USH2A: variants seen among roughly 807,000 people sequenced by gnomAD.
USH2A encodes Usher syndrome 2A (autosomal recessive, mild).
USH2A carries 443 observed loss-of-function variants against 538.9 expected under a neutral mutation model. The ratio of observed to expected loss-of-function variants is 0.82; its 90% CI spans 0.76 to 0.89. The LOEUF is 0.89. Ranked by LOEUF, USH2A falls within the 40% of genes least tolerant of loss-of-function variation. USH2A has a pLI of 0.00. For synonymous variants in USH2A, 2,413 were observed against 2,273.5 expected (o/e 1.06, Z -1.75); for missense variants, 6,633 against 6,324.8 (o/e 1.05, Z -1.65).
rs991583581 is a variant in USH2A at position 215,935,453 on chromosome 1, A to G, written c.7121-658T>C. Among the ~76,000 whole-genome samples, 4 of 151,948 alleles carry G rather than the reference A, an allele frequency of 2.6e-5. No homozygotes were observed. In the East Asian group the frequency reaches 5.8e-4, roughly 22 times the overall value. On this transcript the variant is annotated intron_variant, in intron 37 of 71. Coordinates refer to ENST00000307340, the MANE Select transcript of USH2A (RefSeq NM_206933.4). ...CAGAAGATCTAATATTTTTAGCTTTATGAGAAAATGCAGAAGCTGCCTAGC... is the reference window on the plus strand; with the variant it reads ...CAGAAGATCTAATATTTTTAGCTTTGTGAGAAAATGCAGAAGCTGCCTAGC...
chr1:216,036,332 T>C (rs2029959238), intron 32 of USH2A, among the ~76,000 whole-genome samples: 1 of 151,854 alleles, frequency 6.6e-6, no homozygotes, highest in African/African-American at 2.4e-5. Flanking sequence ...TGAACGACTC[T>C]CAAGGAAAAG....
intron 64 of USH2A, among the ~76,000 whole-genome samples, chr1:215,660,640 C>T (rs1164447754): frequency 6.6e-6 from 1 of 152,154 alleles, no homozygotes; most frequent in East Asian, 1.9e-4. Flanking sequence ...GGCTTCTCTA[C>T]TTTGTTTTAT....
intron 47 of USH2A, 97 bp downstream of exon 47, chr1:215,837,894 T>C (rs2102816470): frequency 1.0e-6 from 1 of 988,984 alleles, no homozygotes. Flanking sequence ...AATAACCCAT[T>C]AAATGAGATT....
intron 61 of USH2A, among the ~76,000 whole-genome samples, chr1:215,693,948 T>C (rs969796291): frequency 6.6e-6 from 1 of 152,188 alleles, no homozygotes; most frequent in Non-Finnish European, 1.5e-5. Context: ...TGAATCCAAT[T>C]TGTTTGAACT....
chr1:215,905,917 C>T (rs1665629040), intron 38 of USH2A, among the ~76,000 whole-genome samples: 1 of 152,100 alleles, frequency 6.6e-6, no homozygotes, highest in Admixed American at 6.6e-5. Flanking sequence ...GCTGAATAGC[C>T]TGGCACATAT....
At chr1:216,180,069 G>C (rs143077130) in intron 20 of USH2A, among the ~76,000 whole-genome samples, 27 of 152,032 alleles carry the variant, frequency 1.8e-4, no homozygotes, top group Non-Finnish European at 3.4e-4. Context: ...ATACATATTT[G>C]CTTTATGTTT....
At chr1:215,748,522 A>C (rs920680376) in intron 58 of USH2A, among the ~76,000 whole-genome samples, 2 of 152,196 alleles carry the variant, frequency 1.3e-5, no homozygotes, top group African/African-American at 4.8e-5. Flanking sequence ...GCTAATGATG[A>C]TTGCTTCAGG....
chr1:216,260,518 C>T (rs945980844), intron 11 of USH2A, among the ~76,000 whole-genome samples: 1 of 152,134 alleles, frequency 6.6e-6, no homozygotes. Flanking sequence ...TGATATGTAG[C>T]CAGGGATTCT....
intron 56 of USH2A, 49 bp from the exon 57 acceptor site, chr1:215,759,892 G>C (rs1432486235): frequency 1.2e-5 from 20 of 1,609,130 alleles, no homozygotes; most frequent in Non-Finnish European, 1.6e-5. Context: ...AAAATAAACA[G>C]TGTATCAAAA....
chr1:216,219,864 A>G (rs1451891624), intron 14 of USH2A, among the ~76,000 whole-genome samples: 2 of 152,154 alleles, frequency 1.3e-5, no homozygotes, highest in Non-Finnish European at 2.9e-5. Context: ...CATTATGGTA[A>G]ACAAAACAGG....
chr1:216,228,492 T>C (rs1207872804), intron 14 of USH2A, among the ~76,000 whole-genome samples: 9 of 152,134 alleles, frequency 5.9e-5, no homozygotes, highest in Non-Finnish European at 1.0e-4. Flanking sequence ...GATTGAATTA[T>C]GGGGTAGGGT....
intron 20 of USH2A, among the ~76,000 whole-genome samples, chr1:216,180,355 G>T (rs2034469028): frequency 6.6e-6 from 1 of 151,888 alleles, no homozygotes; most frequent in African/African-American, 2.4e-5. Context: ...TTTTAAAATA[G>T]CACTTGTATT....
intron 32 of USH2A, among the ~76,000 whole-genome samples, chr1:216,002,105 G>A (rs769594664): frequency 1.6e-4 from 24 of 152,056 alleles, no homozygotes; most frequent in Non-Finnish European, 3.5e-4. Context: ...ATAGGTACAC[G>A]ACTGAGACAT....
intron 3 of USH2A, among the ~76,000 whole-genome samples, chr1:216,390,191 C>T (rs765387654): frequency 1.9e-4 from 29 of 152,048 alleles, no homozygotes; most frequent in Non-Finnish European, 4.0e-4. Flanking sequence ...GTGAGGAAAA[C>T]GTGTTTGCTT....
chr1:215,630,480 GTGTATATA>G (rs1397935553), intron 70 of USH2A, among the ~76,000 whole-genome samples: 1,987 of 105,716 alleles, frequency 0.019, 23 homozygotes, highest in African/African-American at 0.025. Context: ...GTATGTGTGT[GTGTATATA>G]TATATATATA....
chr1:215,725,544 G>C (rs1018900779), intron 61 of USH2A, among the ~76,000 whole-genome samples: 1 of 152,150 alleles, frequency 6.6e-6, no homozygotes, highest in Non-Finnish European at 1.5e-5. Flanking sequence ...GATCAGGTGG[G>C]ACCTTTCTTG....
intron 4 of USH2A, among the ~76,000 whole-genome samples, chr1:216,352,057 G>C (rs1361814198): frequency 6.6e-6 from 1 of 152,066 alleles, no homozygotes; most frequent in African/African-American, 2.4e-5. Flanking sequence ...CATTCAAATG[G>C]AGACTTTGGG....
intron 22 of USH2A, among the ~76,000 whole-genome samples, chr1:216,091,929 T>C (rs1383343938): frequency 6.6e-6 from 1 of 152,158 alleles, no homozygotes. Flanking sequence ...TGGTGTCTCA[T>C]GTCTGTAATC....
At chr1:215,761,142 G>A (rs1050268238) in intron 56 of USH2A, among the ~76,000 whole-genome samples, 2 of 151,984 alleles carry the variant, frequency 1.3e-5, no homozygotes, top group Non-Finnish European at 2.9e-5. Context: ...TTTGAACTTC[G>A]GTTCCTTTGG....
Sources: allele counts gnomAD v4.1 joint callset (sites outside exome capture counted in the v4.1 genomes callset), GRCh38; gene constraint gnomAD v4.1.1; transcripts MANE v1.5; gene names NCBI Gene and HGNC (gene_info 2026-07-23, HGNC 2026-07-21).